The following GSPT1 variants were observed in gnomAD, a reference collection of about 807,000 sequenced individuals.
The protein encoded by GSPT1 is eukaryotic peptide chain release factor GTP-binding subunit ERF3A.
Under a neutral mutation model 72.5 loss-of-function variants are expected in GSPT1, and 20 were observed. The ratio of observed to expected loss-of-function variants is 0.28; its 90% confidence interval spans 0.19 to 0.40. GSPT1 has a LOEUF of 0.40. Ranked by LOEUF, GSPT1 falls within the 10% of genes least tolerant of loss-of-function variation. The probability of loss-of-function intolerance (pLI) is 1.00; values close to 1 mark genes in which losing one functional copy is unlikely to be tolerated. For missense variants in GSPT1, 580 were observed against 811.9 expected, an observed-to-expected ratio of 0.71 and a Z score of 3.47; for synonymous variants, 334 against 293.5, an observed-to-expected ratio of 1.14 and a Z score of -1.41.
At chr16:11,912,169 C>T (rs1211258407) in intron 1 of GSPT1, among the ~76,000 whole-genome samples, 1 of 150,998 alleles carries the variant, frequency 6.6e-6, no homozygotes, top group Non-Finnish European at 1.5e-5. Flanking sequence ...ATGGTGAAAC[C>T]CCATCCCTGC....
Position 11,902,013 on chromosome 16 carries a change from C to T in GSPT1, c.353-3978G>A, listed in dbSNP as rs550380064. ...TGGGAGGCTGAGGCAGGAAGCTACC[C>T]GGGAGGCAGAGGTTGCAGTGAGCTG... On this transcript the variant is annotated intron_variant, in intron 1 of 14. Transcript: ENST00000434724. Among the ~76,000 whole-genome samples the T allele has an allele frequency of 1.2e-4, 18 of 150,094 alleles. 1 individual carries two copies. The East Asian group carries it at 1.4e-3, about 12-fold the overall frequency.
At chr16:11,875,636 C>T in intron 14 of GSPT1, 125 bp downstream of exon 14, 1 of 633,772 alleles carries the variant, frequency 1.6e-6, no homozygotes, top group Non-Finnish European at 2.6e-6. Context: ...AACACTCATA[C>T]GAATAAGAAT....
At chr16:11,874,931 C>T (rs922417166) in intron 14 of GSPT1, among the ~76,000 whole-genome samples, 6 of 152,204 alleles carry the variant, frequency 3.9e-5, no homozygotes, top group African/African-American at 9.6e-5. Context: ...GTGGCTCACG[C>T]CTGTAATCCC....
intron 11 of GSPT1, among the ~76,000 whole-genome samples, chr16:11,879,636 G>A (rs2054095110): frequency 6.6e-6 from 1 of 151,134 alleles, no homozygotes; most frequent in African/African-American, 2.4e-5. Flanking sequence ...GGGAGGCTGA[G>A]GCAGGAGCAT....
chr16:11,883,045 T>C lies in GSPT1; in HGVS notation c.1398A>G (p.Lys466=), dbSNP rs1281099180. The part of the protein sequence containing the change: ...LGKLESGSIC[K]GQQLVMMPNK... ...TTGGCATCATCACAAGCTGCTGGCCTTTACAAATAGATCCTGATTCCAGCT... is the reference window on the plus strand; with the variant it reads ...TTGGCATCATCACAAGCTGCTGGCCCTTACAAATAGATCCTGATTCCAGCT... Residue 466 remains lysine (K), a synonymous_variant, in exon 11 of 15, where the codon AAA becomes AAG. Transcript: ENST00000434724. 1 of 1,606,726 alleles carries C rather than the reference T, an allele frequency of 6.2e-7. No individual in the cohort carries two copies. The highest frequency in any genetic ancestry group is 8.5e-7 in the Non-Finnish European group (1 of 1,173,454).
intron 1 of GSPT1, among the ~76,000 whole-genome samples, chr16:11,913,095 G>C (rs1210424220): frequency 6.6e-6 from 1 of 152,122 alleles, no homozygotes; most frequent in East Asian, 1.9e-4. Flanking sequence ...CAAACTTTTT[G>C]GTTCCCCCTT....
chr16:11,894,187 A>G (rs1242843399), intron 5 of GSPT1, among the ~76,000 whole-genome samples: 1 of 142,362 alleles, frequency 7.0e-6, no homozygotes, highest in Non-Finnish European at 1.5e-5. Flanking sequence ...AAAAAAAAAA[A>G]AAAAAAAATT....
chr16:11,906,489 C>T (rs974126323), intron 1 of GSPT1, among the ~76,000 whole-genome samples: 23 of 152,016 alleles, frequency 1.5e-4, no homozygotes, highest in African/African-American at 5.3e-4. Flanking sequence ...TAAAAATGAG[C>T]CAGGCGTGGA....
rs1567434961 is a variant in GSPT1 at position 11,877,451 on chromosome 16, C to A, written c.1558G>T (p.Asp520Tyr). 3 of 1,603,548 alleles carry A rather than the reference C, an allele frequency of 1.9e-6. No individual in the cohort carries two copies. Among genetic ancestry groups the A allele is most frequent in the Non-Finnish European group, 1.7e-6 (2 of 1,176,822 alleles). ...EEILPGFILCDPNNLCHSGRT... is the reference protein window; with the variant it reads ...EEILPGFILCYPNNLCHSGRT... ...CCAGAATGACAAAGATTATTAGGAT[C>A]ACAAAGTATAAACCCTGGAAGAATC... The change falls in exon 12 of 15, where the codon GAT (aspartate) becomes TAT (tyrosine). Residue 520 changes from aspartate (D) to tyrosine (Y), a missense_variant. Asp to Tyr is a radical substitution (Grantham distance 160). Coordinates refer to ENST00000434724, the MANE Select transcript of GSPT1 (RefSeq NM_002094.4). The surrounding 1 kb of genome is among the most constrained non-coding windows in gnomAD (Gnocchi z 4.0).
chr16:11,909,828 G>A (rs969242333), intron 1 of GSPT1, among the ~76,000 whole-genome samples: 1 of 152,164 alleles, frequency 6.6e-6, no homozygotes, highest in African/African-American at 2.4e-5. Flanking sequence ...GGGAAGCTGA[G>A]GCAGAACAAT....
rs541788228 is a variant in GSPT1, at chr16:11,895,025, C to A, written c.665-38G>T. Reference sequence around the variant, plus strand: ...TCAACATGCAAACCATAGGTTAAAACCAAAAACCAATGGCTAAATATGCAA... The same window carrying A: ...TCAACATGCAAACCATAGGTTAAAAACAAAAACCAATGGCTAAATATGCAA... On this transcript the variant is annotated intron_variant, in intron 4 of 14. Coordinates refer to ENST00000434724, the MANE Select transcript of GSPT1 (RefSeq NM_002094.4). The A allele has an allele frequency of 6.3e-6, 9 of 1,434,176 alleles. No individual in the cohort carries two copies. The African/African-American group carries it at 9.8e-5, about 16-fold the overall frequency. 88.8% of individuals were successfully genotyped at this position (1,434,176 alleles called of 1,614,324 possible). A position where few individuals can be genotyped will look rare whatever the true frequency, so the allele number is the denominator to read the frequency against.
intron 1 of GSPT1, among the ~76,000 whole-genome samples, chr16:11,901,042 C>T (rs2054399777): frequency 6.6e-6 from 1 of 152,156 alleles, no homozygotes; most frequent in African/African-American, 2.4e-5. Flanking sequence ...GGAATGGCGG[C>T]ATGCGCCTGC....
chr16:11,879,323 G>A (rs2054090427), intron 11 of GSPT1, among the ~76,000 whole-genome samples: 1 of 151,830 alleles, frequency 6.6e-6, no homozygotes, highest in African/African-American at 2.4e-5. Flanking sequence ...GAACCCTGGA[G>A]GTGGAGGTTG....
intron 9 of GSPT1, among the ~76,000 whole-genome samples, chr16:11,885,615 C>T (rs767622206): frequency 1.3e-5 from 2 of 152,050 alleles, no homozygotes; most frequent in African/African-American, 2.4e-5. Context: ...GTATTGGCTG[C>T]GTGCAGTGGC....
intron 11 of GSPT1, among the ~76,000 whole-genome samples, chr16:11,879,756 CAAAACAA>C (rs970223586): frequency 4.3e-5 from 6 of 139,642 alleles, no homozygotes; most frequent in East Asian, 4.2e-4. Flanking sequence ...AAAAAAAAAA[CAAAACAA>C]AAAACAAAAA....
At chr16:11,889,023 T>C (rs1383781601) in intron 6 of GSPT1, among the ~76,000 whole-genome samples, 1 of 151,928 alleles carries the variant, frequency 6.6e-6, no homozygotes, top group African/African-American at 2.4e-5. Context: ...AATAAAACTT[T>C]TTTGGATGGA....
chr16:11,877,518 A>C lies in GSPT1; in HGVS notation c.1491T>G (p.Gly497=). 1 of 1,611,170 alleles carries C rather than the reference A, an allele frequency of 6.2e-7. No homozygotes were observed. The highest frequency in any genetic ancestry group is 8.5e-7 in the Non-Finnish European group (1 of 1,177,554). The change falls in exon 12 of 15, where the codon GGT becomes GGG. Residue 497 remains glycine (G), a synonymous_variant. Transcript: ENST00000434724. The surrounding 1 kb of genome is among the most constrained non-coding windows in gnomAD (Gnocchi z 4.0). ...CTTTCAGTCTGATTTTGAGGTTTTC[A>C]CCTGGGGCTACGGTATCAGTCTCTA... ...DDVETDTVAP[G]ENLKIRLKGI...
rs1469526703 is a variant in GSPT1 at position 11,868,910 on chromosome 16, T to C, written c.*4209A>G. The stretch of plus-strand genomic sequence containing the variant: ...TGCTTTTCCCTTATATTGGAGAACA[T>C]AAAGGTTTTAATTAATCTCCACTCC... On this transcript the variant is annotated 3_prime_UTR_variant, in exon 15 of 15. Transcript: ENST00000434724. 1 of 152,194 alleles carries C rather than the reference T, an allele frequency of 6.6e-6. No individual in the cohort carries two copies. The highest frequency in any genetic ancestry group is 1.5e-5 in the Non-Finnish European group (1 of 68,028). 9.4% of individuals were successfully genotyped at this position (152,194 alleles called of 1,614,324 possible).
Position 11,886,914 on chromosome 16 carries a change from T to C in GSPT1, c.975A>G (p.Lys325=). The change falls in exon 8 of 15, where the codon AAA becomes AAG. Residue 325 remains lysine, a synonymous_variant. Transcript: ENST00000434724. ...TTTCAAATCCAGTTTCAAACTCTCC[T>C]TTCCTGGCTGAGATTACCTAATTCC... is the stretch of plus-strand genomic sequence containing the variant. ...DLAVLVISAR[K]GEFETGFEKG... 1.2e-6 allele frequency: 2 copies of C among 1,613,964 alleles called. No homozygotes were observed. The highest frequency in any genetic ancestry group is 1.7e-6 in the Non-Finnish European group (2 of 1,179,880).
Sources: allele counts gnomAD v4.1 joint callset (sites outside exome capture counted in the v4.1 genomes callset), GRCh38; gene constraint gnomAD v4.1.1; non-coding constraint Gnocchi (gnomAD v3.1); transcripts MANE v1.5; gene names NCBI Gene and HGNC (gene_info 2026-07-23, HGNC 2026-07-21).